Variants in AADAC observed in about 807,000 individuals in gnomAD.
AADAC encodes the protein arylacetamide deacetylase (esterase).
AADAC carries 17 observed loss-of-function variants against 22.7 expected under a neutral mutation model. The observed-to-expected ratio is 0.75, with a 90% CI of 0.51 to 1.12. The LOEUF is 1.12. AADAC is among the 50% of genes most tolerant of loss of function. The pLI, the probability that AADAC is intolerant of heterozygous loss-of-function variation, is 0.00. For synonymous variants in AADAC, 167 were observed against 176.3 expected (o/e 0.95, Z 0.42); for missense variants, 465 against 473.9 (o/e 0.98, Z 0.17).
intron 3 of AADAC, among the ~76,000 whole-genome samples, chr3:151,824,427 G>A (rs1716386988): frequency 6.6e-6 from 1 of 151,968 alleles, no homozygotes; most frequent in African/African-American, 2.4e-5. Context: ...GAATTAAAGA[G>A]AGTAAACAAA....
In AADAC at chr3:151,824,772, G is replaced by A. The variant is rs769186441; in HGVS notation, c.541G>A (p.Glu181Lys). 7 of 1,607,516 alleles carry A rather than the reference G, an allele frequency of 4.4e-6. No homozygotes were observed. The highest frequency in any genetic ancestry group is 5.9e-6 in the Non-Finnish European group (7 of 1,176,870). Residue 181 changes from glutamate (E) to lysine (K), a missense_variant, in exon 4 of 5, where the codon GAG becomes AAG. Physicochemically the swap from Glu to Lys is moderately conservative, Grantham distance 56. Transcript: ENST00000232892. ...KVLAKYGVNP[E>K]RIGISGDSAG... ...TCTTGCAAAATATGGTGTGAACCCT[G>A]AGAGAATCGGTATTTCTGGAGATAG...
At position 151,828,169 on chromosome 3, in the gene AADAC, A is replaced by G. The variant is rs1237864168; in HGVS notation, c.1197A>G (p.Leu399=). 6.7e-7 allele frequency: 1 copy of G among 1,496,498 alleles called. No individual in the cohort carries two copies. The highest frequency in any genetic ancestry group is 1.4e-5 in the African/African-American group (1 of 71,550). The allele number at this position is 1,496,498 out of a possible 1,614,324, so 92.7% of individuals were successfully genotyped here. A position where few individuals can be genotyped will look rare whatever the true frequency, so the allele number is the denominator to read the frequency against. The change falls in exon 5 of 5, where the codon CTA becomes CTG. Residue 399 remains leucine (L), a synonymous_variant. Coordinates refer to ENST00000232892, the MANE Select transcript of AADAC (RefSeq NM_001086.3). ...ATATTGAGTGGCTAAAGGAAAATCT[A>G]TAGTAAAACATGTAGCTATAACATA... ...NQYIEWLKEN[L] is the part of the protein sequence containing the mutation.
At chr3:151,826,009 AT>A (rs34573187) in intron 4 of AADAC, among the ~76,000 whole-genome samples, 115,860 of 151,736 alleles carry the variant, frequency 0.76, 44,616 homozygotes, top group Middle Eastern at 0.84. Context: ...AGAAGGTTAG[AT>A]TTTTATTAGT....
intron 4 of AADAC, among the ~76,000 whole-genome samples, chr3:151,825,480 C>T (rs1051756783): frequency 6.6e-6 from 1 of 151,724 alleles, no homozygotes; most frequent in African/African-American, 2.4e-5. Flanking sequence ...AGACTAATGA[C>T]CCTATTACGC....
At position 151,828,296 on chromosome 3, in the gene AADAC, G is replaced by A; in HGVS notation, c.*124G>A. ...CCACATGTAGCATAATTCTTAAATA[G>A]GCACTTTTCTGTTTTTTTTTTCTTA... is the stretch of plus-strand genomic sequence containing the variant. On this transcript the variant is annotated 3_prime_UTR_variant, in exon 5 of 5. Coordinates refer to ENST00000232892, the MANE Select transcript of AADAC (RefSeq NM_001086.3). 2 of 491,032 alleles carry A rather than the reference G, an allele frequency of 4.1e-6. No homozygotes were observed. The highest frequency in any genetic ancestry group is 6.6e-6 in the Non-Finnish European group (2 of 301,686). The allele number at this position is 491,032 out of a possible 1,614,324, so 30.4% of individuals were successfully genotyped here. A position where few individuals can be genotyped will look rare whatever the true frequency, so the allele number is the denominator to read the frequency against.
intron 4 of AADAC, 38 bp downstream of exon 4, chr3:151,824,872 T>C (rs780159153): frequency 2.8e-6 from 4 of 1,419,008 alleles, no homozygotes; most frequent in Non-Finnish European, 3.7e-6. Context: ...AAAATAGCGT[T>C]TCTACGCTGT....
rs1487714773 is a variant in AADAC at position 151,821,129 on chromosome 3, C to CT, written c.431+677_431+678insT. ...CACAGGATCATCTATAAAAGTGCAT[C>CT]ATAAATAATTTCCATCTCAGATGGT... is the stretch of plus-strand genomic sequence containing the variant. On this transcript the variant is annotated intron_variant, in intron 3 of 4. Transcript: ENST00000232892. Among the ~76,000 whole-genome samples the CT allele has an allele frequency of 2.4e-4, 37 of 151,970 alleles. 2 individuals carry two copies. Among genetic ancestry groups the CT allele is most frequent in the Admixed American group, 1.3e-3 (20 of 15,262 alleles).
chr3:151,815,375 A>G (rs2108024683), intron 1 of AADAC, among the ~76,000 whole-genome samples: 1 of 152,192 alleles, frequency 6.6e-6, no homozygotes, highest in South Asian at 2.1e-4. Flanking sequence ...AGTCCAAGAA[A>G]TCATATGAAA....
In AADAC at chr3:151,814,305, G is replaced by A; in HGVS notation, c.138+5G>A. Reference sequence around the variant, plus strand: ...CTGAAAACTATACAAAATTTGGTAAGTTTGGAATTTTATGAATTCAGATGT... The same window carrying A: ...CTGAAAACTATACAAAATTTGGTAAATTTGGAATTTTATGAATTCAGATGT... On this transcript the variant is annotated splice_donor_5th_base_variant and intron_variant, in intron 1 of 4. Coordinates refer to ENST00000232892, the MANE Select transcript of AADAC (RefSeq NM_001086.3). 1 of 1,609,248 alleles carries A rather than the reference G, an allele frequency of 6.2e-7. No individual in the cohort carries two copies.
intron 3 of AADAC, among the ~76,000 whole-genome samples, chr3:151,821,875 G>T (rs1173208115): frequency 6.7e-6 from 1 of 150,306 alleles, no homozygotes; most frequent in Non-Finnish European, 1.5e-5. Flanking sequence ...GATAATTTTG[G>T]TTATATTTAA....
At chr3:151,816,270 T>A (rs1715985917) in intron 1 of AADAC, among the ~76,000 whole-genome samples, 2 of 152,024 alleles carry the variant, frequency 1.3e-5, no homozygotes, top group African/African-American at 4.8e-5. Flanking sequence ...ACCTCCCTAT[T>A]TCTAAACTAA....
chr3:151,820,161 A>C (rs1032198897), intron 2 of AADAC, among the ~76,000 whole-genome samples: 14 of 152,036 alleles, frequency 9.2e-5, no homozygotes, highest in African/African-American at 3.1e-4. Flanking sequence ...CAAAAGATAA[A>C]AGGGAGGAAG....
Position 151,828,403 on chromosome 3 carries a change from A to T in AADAC, c.*231A>T, listed in dbSNP as rs1472656246. 27 of 276,066 alleles carry T rather than the reference A, an allele frequency of 9.8e-5. No homozygotes were observed. Among genetic ancestry groups the T allele is most frequent in the Admixed American group, 9.5e-4 (19 of 19,946 alleles). 17.1% of individuals were successfully genotyped at this position (276,066 alleles called of 1,614,324 possible). On this transcript the variant is annotated 3_prime_UTR_variant, in exon 5 of 5. Transcript: ENST00000232892. ...CTTCTTACACTGTTAATCTTATTTT[A>T]AAAAATATTACATTCTTGTATACTT...
chr3:151,824,345 TTTTA>T (rs1328920349), intron 3 of AADAC, among the ~76,000 whole-genome samples: 5 of 151,976 alleles, frequency 3.3e-5, no homozygotes, highest in African/African-American at 1.2e-4. Flanking sequence ...TGCTATATGA[TTTTA>T]TTTATTTAAA....
chr3:151,827,004 T>C (rs796102283), intron 4 of AADAC, among the ~76,000 whole-genome samples: 2 of 151,934 alleles, frequency 1.3e-5, no homozygotes, highest in African/African-American at 4.8e-5. Flanking sequence ...AACCTCCACC[T>C]CATGGGTTCA....
Position 151,820,429 on chromosome 3 carries a change from T to G in AADAC, c.408T>G (p.Leu136=), listed in dbSNP as rs942636658. The G allele has an allele frequency of 2.5e-6, 4 of 1,589,376 alleles. 1 individual carries two copies. Among genetic ancestry groups the G allele is most frequent in the Admixed American group, 1.7e-5 (1 of 57,734 alleles). The change falls in exon 3 of 5, where the codon CTT becomes CTG. Residue 136 remains leucine (L), a synonymous_variant. Coordinates refer to ENST00000232892, the MANE Select transcript of AADAC (RefSeq NM_001086.3). ...TGTCAAGATGGACAGCAGACAGACTTGATGCTGTCGTCGTATCAACCAAGT... is the reference window on the plus strand; with the variant it reads ...TGTCAAGATGGACAGCAGACAGACTGGATGCTGTCGTCGTATCAACCAAGT... The part of the protein sequence containing the change: ...DLLSRWTADR[L]DAVVVSTNYR...
intron 4 of AADAC, among the ~76,000 whole-genome samples, chr3:151,826,462 A>G (rs916794340): frequency 6.6e-6 from 1 of 151,970 alleles, no homozygotes; most frequent in Non-Finnish European, 1.5e-5. Flanking sequence ...CTTTACAAAT[A>G]GGCTCCACAA....
At chr3:151,821,043 C>A (rs1716233112) in intron 3 of AADAC, among the ~76,000 whole-genome samples, 1 of 151,444 alleles carries the variant, frequency 6.6e-6, no homozygotes, top group Middle Eastern at 3.2e-3. Flanking sequence ...GATATAATTA[C>A]CTGGACGGTA....
chr3:151,816,031 C>T (rs1053835698), intron 1 of AADAC, among the ~76,000 whole-genome samples: 6 of 152,016 alleles, frequency 3.9e-5, no homozygotes, highest in Non-Finnish European at 5.9e-5. Flanking sequence ...GCTCACTTTC[C>T]TCATATCTGA....
Sources: allele counts gnomAD v4.1 joint callset (sites outside exome capture counted in the v4.1 genomes callset), GRCh38; gene constraint gnomAD v4.1.1; transcripts MANE v1.5; gene names NCBI Gene and HGNC (gene_info 2026-07-23, HGNC 2026-07-21).